Variants in TDRD1 observed in about 807,000 individuals in gnomAD.
The protein encoded by TDRD1 is tudor domain containing 1.
TDRD1 carries 37 observed loss-of-function variants against 140.6 expected under a neutral mutation model. That is an observed-to-expected ratio of 0.26 (90% CI 0.20 to 0.35). The LOEUF is 0.35. Ranked by LOEUF, TDRD1 falls within the 10% of genes least tolerant of loss-of-function variation. The probability of loss-of-function intolerance (pLI) is 1.00; values close to 1 mark genes in which losing one functional copy is unlikely to be tolerated. For missense variants in TDRD1, 1,243 were observed against 1,393.0 expected (o/e 0.89, Z 1.71); for synonymous variants, 506 against 475.7 (o/e 1.06, Z -0.83).
chr10:114,180,595 A>T (rs763228277), intron 1 of TDRD1, among the ~76,000 whole-genome samples: 3 of 152,074 alleles, frequency 2.0e-5, no homozygotes, highest in Non-Finnish European at 4.4e-5. Flanking sequence ...CCTTCCTAGT[A>T]GCTGGGATTA....
At chr10:114,202,393 A>G (rs1171199517) in intron 6 of TDRD1, 95 bp downstream of exon 6, 8 of 870,996 alleles carry the variant, frequency 9.2e-6, no homozygotes, top group African/African-American at 1.7e-5. Flanking sequence ...TATTTTATCA[A>G]TATTTAAAGG....
At chr10:114,195,920 G>C (rs1471327822) in intron 3 of TDRD1, among the ~76,000 whole-genome samples, 2 of 151,988 alleles carry the variant, frequency 1.3e-5, no homozygotes, top group Admixed American at 1.3e-4. Context: ...TTTTCCAGTG[G>C]TTGTTCTACA....
chr10:114,189,424 CAA>C (rs926155690), intron 2 of TDRD1, among the ~76,000 whole-genome samples: 8 of 152,134 alleles, frequency 5.3e-5, no homozygotes, highest in Admixed American at 1.3e-4. Flanking sequence ...CAAAAATTAA[CAA>C]AGTGAGCCCT....
chr10:114,229,603 C>G (rs1458329263), intron 25 of TDRD1, among the ~76,000 whole-genome samples: 2 of 140,888 alleles, frequency 1.4e-5, no homozygotes, highest in African/African-American at 5.4e-5. Context: ...GGCTGGAGTG[C>G]AATGGCGTGA....
At chr10:114,218,514 A>G in exon 18 of TDRD1, 3 of 1,612,530 alleles carry the variant, frequency 1.9e-6, no homozygotes, top group Non-Finnish European at 1.7e-6. Flanking sequence ...AAGTTACTGC[A>G]GATGAACTCC....
upstream of TDRD1, among the ~76,000 whole-genome samples, chr10:114,178,083 T>A (rs1052898461): frequency 6.6e-6 from 1 of 152,118 alleles, no homozygotes; most frequent in Non-Finnish European, 1.5e-5. Context: ...CCTCAAGTGA[T>A]CTGCCTGCCT....
At chr10:114,199,432 C>A in intron 4 of TDRD1, 115 bp downstream of exon 4, 2 of 1,311,030 alleles carry the variant, frequency 1.5e-6, no homozygotes, top group Non-Finnish European at 2.0e-6. Context: ...CCATGCCACA[C>A]ACCCGTCTCA....
chr10:114,183,601 TTTTCA>T (rs2033271574), intron 1 of TDRD1, among the ~76,000 whole-genome samples: 1 of 152,166 alleles, frequency 6.6e-6, no homozygotes, highest in Non-Finnish European at 1.5e-5. Flanking sequence ...TTTTACTGCT[TTTTCA>T]TTTGCCATTC....
chr10:114,203,298 G>A, intron 7 of TDRD1, 90 bp from the exon 8 acceptor site: 1 of 1,510,620 alleles, frequency 6.6e-7, no homozygotes, highest in Non-Finnish European at 8.9e-7. Context: ...TGCCTACAAT[G>A]CTGTTTGTGT....
chr10:114,193,822 T>C (rs2034158296), intron 3 of TDRD1, among the ~76,000 whole-genome samples: 1 of 152,232 alleles, frequency 6.6e-6, no homozygotes, highest in African/African-American at 2.4e-5. Context: ...CTTTTACCAT[T>C]AAGTTTAGAT....
At chr10:114,205,387 C>T (rs947294894) in intron 10 of TDRD1, among the ~76,000 whole-genome samples, 1 of 152,174 alleles carries the variant, frequency 6.6e-6, no homozygotes, top group Admixed American at 6.5e-5. Flanking sequence ...GGTATCACCC[C>T]TCTGCTTTCA....
intron 3 of TDRD1, among the ~76,000 whole-genome samples, chr10:114,194,111 A>G (rs1324353448): frequency 6.6e-6 from 1 of 152,176 alleles, no homozygotes; most frequent in Non-Finnish European, 1.5e-5. Flanking sequence ...ATATTTTGAT[A>G]AGGATTTTTA....
intron 11 of TDRD1, among the ~76,000 whole-genome samples, chr10:114,208,452 C>G (rs1382605808): frequency 6.6e-6 from 1 of 152,192 alleles, no homozygotes; most frequent in Non-Finnish European, 1.5e-5. Flanking sequence ...TCCTCCTGTC[C>G]TGCCCCTTCT....
intron 3 of TDRD1, among the ~76,000 whole-genome samples, chr10:114,192,342 C>G (rs1237199407): frequency 1.1e-5 from 1 of 94,868 alleles, no homozygotes; most frequent in Admixed American, 1.7e-4. Context: ...CTTGCTCTTT[C>G]ACCCAGGCTG....
At chr10:114,189,686 G>A (rs1479163022) in intron 2 of TDRD1, among the ~76,000 whole-genome samples, 1 of 152,098 alleles carries the variant, frequency 6.6e-6, no homozygotes, top group South Asian at 2.1e-4. Context: ...CAAACCCCTG[G>A]GCACAAACGA....
intron 3 of TDRD1, among the ~76,000 whole-genome samples, chr10:114,198,779 A>T (rs945473296): frequency 1.3e-5 from 2 of 152,122 alleles, no homozygotes; most frequent in African/African-American, 4.8e-5. Context: ...TCAGCCTCAG[A>T]AGTAGCTGGG....
At chr10:114,217,407 G>T in intron 16 of TDRD1, 138 bp from the exon 17 acceptor site, 1 of 499,236 alleles carries the variant, frequency 2.0e-6, no homozygotes. Flanking sequence ...ATAAGGAAAA[G>T]CATTGGGTAG....
intron 18 of TDRD1, among the ~76,000 whole-genome samples, chr10:114,218,900 C>T (rs998495160): frequency 6.6e-6 from 1 of 152,090 alleles, no homozygotes; most frequent in Admixed American, 6.6e-5. Context: ...CAGAGAAATC[C>T]AGGAATTGCA....
chr10:114,192,321 T>TC (rs869187249), intron 3 of TDRD1, among the ~76,000 whole-genome samples: 2 of 137,836 alleles, frequency 1.5e-5, no homozygotes, highest in African/African-American at 5.3e-5. Flanking sequence ...TTTTTTTTTT[T>TC]GAGACGGAGT....
Sources: allele counts gnomAD v4.1 joint callset (sites outside exome capture counted in the v4.1 genomes callset), GRCh38; gene constraint gnomAD v4.1.1; transcripts MANE v1.5; gene names NCBI Gene and HGNC (gene_info 2026-07-23, HGNC 2026-07-21).